The following ITM2B variants were observed in gnomAD, a reference collection of about 807,000 sequenced individuals.
The protein encoded by ITM2B is ABri/ADan amyloid peptide.
Under a neutral mutation model 27.8 loss-of-function variants are expected in ITM2B, and 11 were observed. The observed-to-expected ratio is 0.40, with a 90% CI of 0.25 to 0.66. ITM2B has a LOEUF of 0.66. Ranked by LOEUF, ITM2B falls within the 30% of genes least tolerant of loss-of-function variation. The pLI, the probability that ITM2B is intolerant of heterozygous loss-of-function variation, is 0.43. For missense variants in ITM2B, 296 were observed against 328.9 expected (o/e 0.90, Z 0.77); for synonymous variants, 114 against 114.3 (o/e 1.00, Z 0.02).
chr13:48,249,966 T>A (rs1011032590), intron 1 of ITM2B, among the ~76,000 whole-genome samples: 1 of 152,228 alleles, frequency 6.6e-6, no homozygotes, highest in Non-Finnish European at 1.5e-5. Context: ...TTTTAATAAA[T>A]CTCTTAGATT....
At chr13:48,248,641 G>A (rs565235830) in intron 1 of ITM2B, among the ~76,000 whole-genome samples, 4 of 152,146 alleles carry the variant, frequency 2.6e-5, no homozygotes, top group African/African-American at 7.2e-5. Context: ...GCTTTCCTGG[G>A]CCACATTGGA....
At chr13:48,253,023 T>C (rs902310150) in intron 1 of ITM2B, among the ~76,000 whole-genome samples, 4 of 152,180 alleles carry the variant, frequency 2.6e-5, no homozygotes, top group African/African-American at 7.2e-5. Context: ...TAAATTGTTT[T>C]CTTAAGTGGA....
In ITM2B at chr13:48,267,998, A is replaced by G. The variant is rs1289245683; in HGVS notation, c.*6774A>G. On this transcript the variant is annotated 3_prime_UTR_variant, in exon 6 of 6. Transcript: ENST00000647800. ...GACACTTTTCTTTGTCCATGTTAAC[A>G]ATCATCAAAACATTTTCATTGCCCC... The G allele has an allele frequency of 6.6e-6, 1 of 152,226 alleles. No homozygotes were observed. Among genetic ancestry groups the G allele is most frequent in the Admixed American group, 6.5e-5 (1 of 15,284 alleles). The allele number at this position is 152,226 out of a possible 1,614,324, so 9.4% of individuals were successfully genotyped here.
chr13:48,255,252 TGTGC>T (rs1333148111), intron 2 of ITM2B, among the ~76,000 whole-genome samples: 2 of 132,280 alleles, frequency 1.5e-5, no homozygotes, highest in Admixed American at 7.2e-5. Flanking sequence ...TGTGTGTGTG[TGTGC>T]GCGCGCGTGT....
At chr13:48,255,263 G>GCA (rs1951779743) in intron 2 of ITM2B, among the ~76,000 whole-genome samples, 1 of 151,538 alleles carries the variant, frequency 6.6e-6, no homozygotes, top group African/African-American at 2.4e-5. Flanking sequence ...GTGCGCGCGC[G>GCA]TGTGCGTGCG....
chr13:48,250,345 T>C lies in ITM2B; in HGVS notation c.118-3463T>C, dbSNP rs980725643. 5.3e-5 allele frequency among the ~76,000 whole-genome samples: 8 copies of C among 152,104 alleles called. No homozygotes were observed. In the East Asian group the frequency reaches 9.7e-4, roughly 18 times the overall value. On this transcript the variant is annotated intron_variant, in intron 1 of 5. Transcript: ENST00000647800. ...AAAAAATAGATCTAAGTTGGCCGGG[T>C]ACGGTGGCTCAAGCCTGTAATCCGA...
Position 48,253,848 on chromosome 13 carries a change from G to T in ITM2B, c.158G>T (p.Trp53Leu). The change falls in exon 2 of 6, where the codon TGG becomes TTG. Residue 53 changes from tryptophan to leucine, a missense_variant. Coordinates refer to ENST00000647800, the MANE Select transcript of ITM2B (RefSeq NM_021999.5). ...GTACCAGTTGGCCAAAGAAGAGCCT[G>T]GTGTTGGTGCATGTGCTTTGGACTA... The part of the protein sequence containing the change: ...DVVPVGQRRA[W>L]CWCMCFGLAF... 2 of 1,613,732 alleles carry T rather than the reference G, an allele frequency of 1.2e-6. No homozygotes were observed. The highest frequency in any genetic ancestry group is 1.7e-6 in the Non-Finnish European group (2 of 1,179,652).
chr13:48,255,990 T>C (rs9332283), intron 2 of ITM2B, among the ~76,000 whole-genome samples, 187 bp from the exon 3 acceptor site: 1 of 152,184 alleles, frequency 6.6e-6, no homozygotes, highest in Non-Finnish European at 1.5e-5. Flanking sequence ...AGCTGTTCTT[T>C]TACAGTGCTT....
chr13:48,238,623 A>G lies in ITM2B; in HGVS notation c.117+5146A>G, dbSNP rs9332257. Among the ~76,000 whole-genome samples, 19 of 152,340 alleles carry G rather than the reference A, an allele frequency of 1.2e-4. No individual in the cohort carries two copies. In the East Asian group the frequency reaches 3.5e-3, roughly 28 times the overall value. The stretch of plus-strand genomic sequence containing the variant: ...GAGAAATAAAATTTTCACAGCTTAT[A>G]TATAATACCACTTCTGAGTTAAATA... On this transcript the variant is annotated intron_variant, in intron 1 of 5. Transcript: ENST00000647800.
chr13:48,253,961 C>G (rs368963800), intron 2 of ITM2B, 25 bp downstream of exon 2: 7 of 1,586,326 alleles, frequency 4.4e-6, no homozygotes, highest in Non-Finnish European at 6.0e-6. Flanking sequence ...TATTTTGTGT[C>G]TCTGATTTTT....
chr13:48,248,156 G>A (rs1485440237), intron 1 of ITM2B, among the ~76,000 whole-genome samples: 1 of 152,098 alleles, frequency 6.6e-6, no homozygotes, highest in Non-Finnish European at 1.5e-5. Context: ...TATTTTATAT[G>A]TTTTGAAAGT....
At chr13:48,261,112 T>C in intron 5 of ITM2B, 27 bp from the exon 6 acceptor site, 1 of 1,525,950 alleles carries the variant, frequency 6.6e-7, no homozygotes, top group Non-Finnish European at 9.1e-7. Context: ...ATCAAAATTT[T>C]AAAAAACTTT....
chr13:48,253,991 G>C, intron 2 of ITM2B, 55 bp downstream of exon 2: 3 of 1,511,332 alleles, frequency 2.0e-6, no homozygotes, highest in Non-Finnish European at 2.7e-6. Context: ...TGCCTCTCCC[G>C]ATGTGCATTA....
At chr13:48,242,932 G>T (rs1305665656) in intron 1 of ITM2B, among the ~76,000 whole-genome samples, 1 of 152,104 alleles carries the variant, frequency 6.6e-6, no homozygotes, top group Non-Finnish European at 1.5e-5. Context: ...CTTTCAGGAG[G>T]AAGTAAACAA....
At chr13:48,253,745 G>A in intron 1 of ITM2B, 63 bp from the exon 2 acceptor site, 5 of 1,508,848 alleles carry the variant, frequency 3.3e-6, no homozygotes, top group Non-Finnish European at 3.7e-6. Context: ...GGTTTTTCTA[G>A]TCCTGAGCCT....
chr13:48,241,685 A>G (rs1951700777), intron 1 of ITM2B, among the ~76,000 whole-genome samples: 1 of 152,196 alleles, frequency 6.6e-6, no homozygotes, highest in African/African-American at 2.4e-5. Context: ...TAACAGTAAC[A>G]TTGTTTTACA....
intron 1 of ITM2B, among the ~76,000 whole-genome samples, chr13:48,237,001 T>C (rs1358752096): frequency 6.6e-6 from 1 of 152,214 alleles, no homozygotes; most frequent in African/African-American, 2.4e-5. Context: ...AGTTTTGAGT[T>C]ACCCATGACA....
intron 4 of ITM2B, 92 bp downstream of exon 4, chr13:48,258,328 A>G (rs1951801897): frequency 1.3e-6 from 1 of 771,176 alleles, no homozygotes. Flanking sequence ...AGCCCATTTT[A>G]TCAGACTGTA....
At position 48,268,376 on chromosome 13, in the gene ITM2B, C is replaced by T. The variant is rs1951865224; in HGVS notation, c.*7152C>T. 6.6e-6 allele frequency: 1 copy of T among 151,646 alleles called. No homozygotes were observed. The highest frequency in any genetic ancestry group is 2.4e-5 in the African/African-American group (1 of 41,240). The allele number at this position is 151,646 out of a possible 1,614,324, so 9.4% of individuals were successfully genotyped here. A position where few individuals can be genotyped will look rare whatever the true frequency, so the allele number is the denominator to read the frequency against. On this transcript the variant is annotated 3_prime_UTR_variant, in exon 6 of 6. Coordinates refer to ENST00000647800, the MANE Select transcript of ITM2B (RefSeq NM_021999.5). ...GGAGTGCAGTGGCATCATCTCGGCT[C>T]ACTGCAATTTCTGTCTCCCAGGCTC... is the stretch of plus-strand genomic sequence containing the variant.
Sources: gnomAD v4.1 joint callset for allele counts (sites outside exome capture counted in the v4.1 genomes callset) on GRCh38, gnomAD v4.1.1 for gene constraint, MANE v1.5 for transcripts, NCBI Gene and HGNC (gene_info 2026-07-23, HGNC 2026-07-21) for gene names.